Variants in MARCHF7 observed in about 807,000 individuals in gnomAD.
MARCHF7 encodes the protein membrane associated ring-CH-type finger 7.
A neutral mutation model predicts 76.5 loss-of-function variants in MARCHF7; 20 were observed. That is an observed-to-expected ratio of 0.26 (90% CI 0.18 to 0.38). The LOEUF (loss-of-function observed/expected upper bound fraction) is 0.38, where lower values mean the gene tolerates loss of function less well. Among genes scored for constraint, MARCHF7 ranks in the 10% least tolerant of loss-of-function variants. MARCHF7 has a pLI of 1.00. For synonymous variants in MARCHF7, 295 were observed against 293.0 expected (o/e 1.01, Z -0.07); for missense variants, 797 against 812.9 (o/e 0.98, Z 0.24).
intron 10 of MARCHF7, 143 bp from the exon 11 acceptor site, chr2:159,764,483 A>T: frequency 4.5e-6 from 2 of 448,990 alleles, no homozygotes. Context: ...GTGATTTTTG[A>T]TGTTAGGGGG....
intron 8 of MARCHF7, among the ~76,000 whole-genome samples, chr2:159,752,918 A>G (rs899376702): frequency 6.6e-6 from 1 of 152,190 alleles, no homozygotes; most frequent in Non-Finnish European, 1.5e-5. Flanking sequence ...TTTATTTCTA[A>G]TGTTGCTGTT....
In MARCHF7 at chr2:159,769,253, C is replaced by T. The variant is rs1708055042; in HGVS notation, c.*1911C>T. On this transcript the variant is annotated 3_prime_UTR_variant, in exon 12 of 12. Transcript: ENST00000409175. ...AAGATGTTGAAGAAAGCAGTTTCTA[C>T]ATTCTGGATGTAGTAAACAAGCCTG... 6.6e-6 allele frequency: 1 copy of T among 152,188 alleles called. No homozygotes were observed. Among genetic ancestry groups the T allele is most frequent in the African/African-American group, 2.4e-5 (1 of 41,446 alleles). The allele number at this position is 152,188 out of a possible 1,614,324, so 9.4% of individuals were successfully genotyped here.
intron 4 of MARCHF7, among the ~76,000 whole-genome samples, chr2:159,738,059 A>T (rs1375285276): frequency 6.6e-6 from 1 of 152,182 alleles, no homozygotes; most frequent in Non-Finnish European, 1.5e-5. Context: ...CCAGACATGG[A>T]TCGGCAGGGG....
chr2:159,736,332 C>T (rs1195971912), intron 4 of MARCHF7, among the ~76,000 whole-genome samples: 2 of 152,162 alleles, frequency 1.3e-5, no homozygotes, highest in African/African-American at 2.4e-5. Context: ...GTATGTATCT[C>T]ATTGTGGTTT....
In MARCHF7 at chr2:159,728,990, G is replaced by A. The variant is rs754693093; in HGVS notation, c.-14-19G>A. On this transcript the variant is annotated intron_variant, in intron 3 of 11. Coordinates refer to ENST00000409175, the MANE Select transcript of MARCHF7 (RefSeq NM_001282805.2). Reference sequence around the variant, plus strand: ...TCATATTTTCCCAAAGGCAATTAATGAAAATTTTTATTTCACAGAAAAATC... The same window carrying A: ...TCATATTTTCCCAAAGGCAATTAATAAAAATTTTTATTTCACAGAAAAATC... 9 of 1,497,776 alleles carry A rather than the reference G, an allele frequency of 6.0e-6. No individual in the cohort carries two copies. The East Asian group carries it at 1.7e-4, about 28-fold the overall frequency. The allele number at this position is 1,497,776 out of a possible 1,614,324, so 92.8% of individuals were successfully genotyped here.
intron 4 of MARCHF7, among the ~76,000 whole-genome samples, chr2:159,738,902 G>A (rs1703788053): frequency 6.6e-6 from 1 of 152,202 alleles, no homozygotes. Context: ...GGCTGTTTGT[G>A]CCAAGGGATG....
intron 3 of MARCHF7, among the ~76,000 whole-genome samples, chr2:159,725,951 T>G (rs754350255): frequency 5.3e-5 from 8 of 152,210 alleles, no homozygotes; most frequent in Non-Finnish European, 1.2e-4. Flanking sequence ...GTAGAATCCC[T>G]TAGTCTCCTG....
intron 4 of MARCHF7, among the ~76,000 whole-genome samples, chr2:159,732,258 A>G (rs1307478285): frequency 1.3e-5 from 2 of 152,202 alleles, no homozygotes; most frequent in Admixed American, 6.5e-5. Flanking sequence ...GTAAAATTCA[A>G]AAATTACTTG....
At chr2:159,765,068 G>T (rs1279050730) in intron 11 of MARCHF7, among the ~76,000 whole-genome samples, 1 of 151,992 alleles carries the variant, frequency 6.6e-6, no homozygotes, top group Non-Finnish European at 1.5e-5. Flanking sequence ...AGGTTTGTTA[G>T]ATCATAAGAG....
chr2:159,751,801 A>C (rs1705682984), intron 7 of MARCHF7, among the ~76,000 whole-genome samples: 1 of 152,220 alleles, frequency 6.6e-6, no homozygotes. Context: ...ATCTTTTATA[A>C]GATTGCTGCG....
chr2:159,741,593 TTG>T (rs1704134494), intron 4 of MARCHF7, among the ~76,000 whole-genome samples: 1 of 152,192 alleles, frequency 6.6e-6, no homozygotes, highest in South Asian at 2.1e-4. Context: ...CTGTAGAGCT[TTG>T]ATGGACTACA....
At chr2:159,738,088 G>A (rs551726594) in intron 4 of MARCHF7, among the ~76,000 whole-genome samples, 6 of 152,196 alleles carry the variant, frequency 3.9e-5, no homozygotes, top group Non-Finnish European at 7.3e-5. Flanking sequence ...GCAAGTGAGC[G>A]CAGGGTCCGG....
chr2:159,745,316 GAATTGTGTTTCTGATAAC>G (rs1356135666), intron 5 of MARCHF7, among the ~76,000 whole-genome samples: 2 of 152,222 alleles, frequency 1.3e-5, no homozygotes, highest in East Asian at 3.9e-4. Context: ...ATGTTTTACT[GAATTGTGTTTCTGATAAC>G]AACTATATAA....
rs1398318164 is a variant in MARCHF7, at chr2:159,743,966, TAGG to T, written c.346+716_346+718del. 8.5e-4 allele frequency among the ~76,000 whole-genome samples: 122 copies of T among 144,232 alleles called. 2 individuals are homozygous for T. In the East Asian group the frequency reaches 0.022, roughly 26 times the overall value. 94.6% of individuals were successfully genotyped at this position (144,232 alleles called of 152,430 possible). A position where few individuals can be genotyped will look rare whatever the true frequency, so the allele number is the denominator to read the frequency against. ...TACAAAAAAATGGTGGTTATTTTAG[TAGG>T]AGTTCTTTTTTTTTTTTTTTTTTTT... On this transcript the variant is annotated intron_variant, in intron 5 of 11. Coordinates refer to ENST00000409175, the MANE Select transcript of MARCHF7 (RefSeq NM_001282805.2).
chr2:159,767,075 A>C (rs752414529), intron 11 of MARCHF7, among the ~76,000 whole-genome samples: 5 of 152,082 alleles, frequency 3.3e-5, no homozygotes, highest in Non-Finnish European at 7.4e-5. Context: ...AACATTACAA[A>C]ACGGTGTGGG....
intron 7 of MARCHF7, among the ~76,000 whole-genome samples, chr2:159,752,154 G>A (rs1389310034): frequency 6.6e-6 from 1 of 152,124 alleles, no homozygotes; most frequent in Non-Finnish European, 1.5e-5. Context: ...TGATAGGTTA[G>A]CCTATTTTAC....
intron 3 of MARCHF7, among the ~76,000 whole-genome samples, chr2:159,718,518 G>A (rs1343792358): frequency 6.6e-6 from 1 of 152,120 alleles, no homozygotes; most frequent in Non-Finnish European, 1.5e-5. Context: ...ATGGGACACA[G>A]TGATCCGTAG....
At chr2:159,726,407 C>T (rs1193994834) in intron 3 of MARCHF7, among the ~76,000 whole-genome samples, 6 of 152,216 alleles carry the variant, frequency 3.9e-5, no homozygotes, top group South Asian at 2.1e-4. Context: ...GGACTACAGG[C>T]GCCCGCTACC....
At chr2:159,742,405 C>T (rs780887417) in intron 4 of MARCHF7, among the ~76,000 whole-genome samples, 30 of 151,892 alleles carry the variant, frequency 2.0e-4, no homozygotes, top group Non-Finnish European at 2.8e-4. Flanking sequence ...GTTCTGTCTA[C>T]CTCTAAGAGG....
Sources: allele counts gnomAD v4.1 joint callset (sites outside exome capture counted in the v4.1 genomes callset), GRCh38; gene constraint gnomAD v4.1.1; transcripts MANE v1.5; gene names NCBI Gene and HGNC (gene_info 2026-07-23, HGNC 2026-07-21).